PSMG4: variants seen among roughly 807,000 people sequenced by gnomAD.
PSMG4 encodes the protein proteasome assembly chaperone 4, also known as proteasome (prosome, macropain) assembly chaperone 4.
PSMG4 carries 10 observed loss-of-function variants against 11.0 expected under a neutral mutation model. The ratio of observed to expected loss-of-function variants is 0.91; its 90% CI spans 0.56 to 1.54. PSMG4 has a LOEUF of 1.54. Among genes scored for constraint, PSMG4 ranks in the 40% most tolerant of loss-of-function variants. PSMG4 has a pLI of 0.00. For synonymous variants in PSMG4, 95 were observed against 71.3 expected (o/e 1.33, Z -1.68); for missense variants, 198 against 160.9 (o/e 1.23, Z -1.25).
upstream of PSMG4, among the ~76,000 whole-genome samples, chr6:3,255,507 G>A (rs1004666363): frequency 2.7e-4 from 41 of 152,150 alleles, no homozygotes; most frequent in African/African-American, 9.4e-4. Context: ...GCCTGGCCAG[G>A]TCATTCCCCA....
At chr6:3,259,307 T>C in intron 1 of PSMG4, 111 bp downstream of exon 1, 1 of 1,002,180 alleles carries the variant, frequency 1.0e-6, no homozygotes, top group Non-Finnish European at 1.3e-6. Context: ...GGCGCCCTAC[T>C]CCCCCGAAGC....
upstream of PSMG4, among the ~76,000 whole-genome samples, chr6:3,255,777 CCA>C (rs1757741735): frequency 6.6e-6 from 1 of 152,166 alleles, no homozygotes; most frequent in African/African-American, 2.4e-5. Context: ...TGTGGAATGT[CCA>C]GAGAGTCCCA....
upstream of PSMG4, among the ~76,000 whole-genome samples, chr6:3,256,389 G>A (rs1051156058): frequency 7.9e-5 from 12 of 152,190 alleles, no homozygotes; most frequent in South Asian, 2.1e-4. Context: ...CTGTATGGAT[G>A]GTTCCCCACT....
At chr6:3,256,184 A>G (rs1757760542), upstream of PSMG4, among the ~76,000 whole-genome samples, 3 of 152,178 alleles carry the variant, frequency 2.0e-5, no homozygotes, top group South Asian at 6.2e-4. Context: ...GGGAAGGGCA[A>G]TAATTCTAGA....
intron 2 of PSMG4, chr6:3,265,878 T>C (rs1408947592): frequency 6.6e-6 from 1 of 151,196 alleles, no homozygotes; most frequent in Non-Finnish European, 1.5e-5. Flanking sequence ...AAACACCAGC[T>C]CTTGGAATAA....
Position 3,259,129 on chromosome 6 carries a change from C to A in PSMG4, c.107C>A (p.Ser36Ter), listed in dbSNP as rs1757866081. The change falls in exon 1 of 3, where the codon TCG becomes TAG. Residue 36 changes from serine (S) to a stop codon, truncating the protein, a stop_gained. Coordinates refer to ENST00000438998, the MANE Select transcript of PSMG4 (RefSeq NM_001128591.2). LOFTEE classifies it high-confidence loss of function. Reference protein sequence around the residue: ...VHFHVMRLTDSLFLWVGATPH... With the variant: ...VHFHVMRLTD ...TTCCACGTCATGCGGCTGACGGACT[C>A]GCTGTTCCTGTGGGTGGGGGCCACG... is the stretch of plus-strand genomic sequence containing the variant. 1 of 1,291,734 alleles carries A rather than the reference C, an allele frequency of 7.7e-7. No homozygotes were observed. The highest frequency in any genetic ancestry group is 9.8e-7 in the Non-Finnish European group (1 of 1,018,746). 80.0% of individuals were successfully genotyped at this position (1,291,734 alleles called of 1,614,324 possible). A position where few individuals can be genotyped will look rare whatever the true frequency, so the allele number is the denominator to read the frequency against.
chr6:3,256,136 A>T (rs748943021), upstream of PSMG4, among the ~76,000 whole-genome samples: 1 of 152,224 alleles, frequency 6.6e-6, no homozygotes, highest in South Asian at 2.1e-4. Context: ...CATCCTCCCC[A>T]GGATGGAATA....
In PSMG4 at chr6:3,260,636, T is replaced by A. The variant is rs539316825; in HGVS notation, c.174+1440T>A. 6.0e-4 allele frequency among the ~76,000 whole-genome samples: 92 copies of A among 152,206 alleles called. 2 individuals carry two copies. The highest frequency in any genetic ancestry group is 1.2e-4 in the Non-Finnish European group (8 of 68,040). On this transcript the variant is annotated intron_variant, in intron 1 of 2. Transcript: ENST00000438998. ...GATTATAGGCGTTAGCCGCCGCGCC[T>A]GGTCTAAATTACATCTTATTTACAT... is the stretch of plus-strand genomic sequence containing the variant.
chr6:3,260,382 C>T (rs1323825988), intron 1 of PSMG4, among the ~76,000 whole-genome samples: 3 of 148,670 alleles, frequency 2.0e-5, no homozygotes, highest in African/African-American at 7.4e-5. Context: ...ACCTCCGCCT[C>T]CCAGGTTCAA....
upstream of PSMG4, among the ~76,000 whole-genome samples, chr6:3,258,245 C>T (rs1019806902): frequency 6.6e-6 from 1 of 152,198 alleles, no homozygotes; most frequent in Non-Finnish European, 1.5e-5. Flanking sequence ...CCGAAAGGCA[C>T]CTGTTCTTAT....
upstream of PSMG4, among the ~76,000 whole-genome samples, chr6:3,254,758 G>T (rs9503496): frequency 6.6e-6 from 1 of 152,068 alleles, no homozygotes; most frequent in Non-Finnish European, 1.5e-5. Context: ...TTTAAAAACT[G>T]TAATGCTCAC....
chr6:3,254,862 C>T (rs530904563), upstream of PSMG4, among the ~76,000 whole-genome samples: 90 of 152,244 alleles, frequency 5.9e-4, 1 homozygote, highest in Admixed American at 3.8e-3. Context: ...TCAGGGTGAA[C>T]ATGAGATGCT....
intron 1 of PSMG4, among the ~76,000 whole-genome samples, chr6:3,259,649 T>C (rs1489434138): frequency 6.6e-6 from 1 of 152,234 alleles, no homozygotes; most frequent in Non-Finnish European, 1.5e-5. Context: ...TGACTGGCGC[T>C]GTGATGGCAG....
upstream of PSMG4, chr6:3,254,913 T>G (rs1165943662): frequency 2.2e-6 from 2 of 912,696 alleles, no homozygotes; most frequent in Non-Finnish European, 3.3e-6. Flanking sequence ...ATCTCTGAGC[T>G]GGTGCTTCAG....
chr6:3,267,013 G>A (rs1441193677), intron 2 of PSMG4: 1 of 151,264 alleles, frequency 6.6e-6, no homozygotes, highest in Non-Finnish European at 1.5e-5. Flanking sequence ...CCGCCACCAT[G>A]CCCGGCTAAT....
At chr6:3,259,591 C>G (rs933313113) in intron 1 of PSMG4, among the ~76,000 whole-genome samples, 3 of 152,244 alleles carry the variant, frequency 2.0e-5, no homozygotes, top group African/African-American at 7.2e-5. Flanking sequence ...GCATTTCGCA[C>G]TAGGCACACA....
intron 2 of PSMG4, 131 bp downstream of exon 2, chr6:3,263,890 C>T (rs1758087549): frequency 6.8e-7 from 1 of 1,461,358 alleles, no homozygotes; most frequent in Non-Finnish European, 9.1e-7. Flanking sequence ...TGCTGGGAAG[C>T]ACAGACCTTT....
chr6:3,255,523 C>T (rs137996866), upstream of PSMG4, among the ~76,000 whole-genome samples: 205 of 152,304 alleles, frequency 1.3e-3, 2 homozygotes, highest in African/African-American at 4.7e-3. Context: ...CCCCACTGCC[C>T]ATGAGTCTGT....
chr6:3,264,046 G>T (rs1009219910), intron 2 of PSMG4: 5 of 1,410,698 alleles, frequency 3.5e-6, no homozygotes, highest in African/African-American at 1.4e-5. Flanking sequence ...TTCCGTAAGT[G>T]CATCACCACC....
Sources: allele counts gnomAD v4.1 joint callset (sites outside exome capture counted in the v4.1 genomes callset), GRCh38; gene constraint gnomAD v4.1.1; transcripts MANE v1.5; gene names NCBI Gene and HGNC (gene_info 2026-07-23, HGNC 2026-07-21).